The following FBLN1 variants were observed in gnomAD, a reference collection of about 807,000 sequenced individuals.
FBLN1 encodes fibulin-1.
In FBLN1, 34 loss-of-function variants were observed where a neutral mutation model predicts 89.7. The ratio of observed to expected loss-of-function variants is 0.38; its 90% CI spans 0.29 to 0.50. The LOEUF is 0.50. Ranked by LOEUF, FBLN1 falls within the 20% of genes least tolerant of loss-of-function variation. FBLN1 has a pLI of 0.92. For missense variants in FBLN1, 777 were observed against 988.1 expected, an observed-to-expected ratio of 0.79 and a Z score of 2.86; for synonymous variants, 393 against 391.3, an observed-to-expected ratio of 1.00 and a Z score of -0.05.
At chr22:45,522,747 C>T (rs1038024615) in intron 2 of FBLN1, among the ~76,000 whole-genome samples, 3 of 152,160 alleles carry the variant, frequency 2.0e-5, no homozygotes, top group African/African-American at 7.2e-5. Context: ...TAGATTAAAC[C>T]CACATGTCCT....
At chr22:45,560,124 A>C (rs2088834464) in intron 14 of FBLN1, among the ~76,000 whole-genome samples, 1 of 152,248 alleles carries the variant, frequency 6.6e-6, no homozygotes, top group Non-Finnish European at 1.5e-5. Flanking sequence ...GAGACAGACT[A>C]TTCTGATTGC....
intron 2 of FBLN1, among the ~76,000 whole-genome samples, chr22:45,522,926 C>T (rs557931513): frequency 6.6e-5 from 10 of 152,212 alleles, no homozygotes; most frequent in Admixed American, 4.6e-4. Flanking sequence ...AATCGGTGAA[C>T]GAAATATGCA....
chr22:45,594,321 A>G (rs1053432208), intron 16 of FBLN1, among the ~76,000 whole-genome samples: 1 of 152,164 alleles, frequency 6.6e-6, no homozygotes, highest in African/African-American at 2.4e-5. Flanking sequence ...TCTGAGACTG[A>G]CGAAGTGAGG....
At chr22:45,595,923 G>A (rs1370288721) in intron 16 of FBLN1, among the ~76,000 whole-genome samples, 4 of 152,252 alleles carry the variant, frequency 2.6e-5, no homozygotes, top group African/African-American at 9.6e-5. Flanking sequence ...AGGCTAGAGT[G>A]CAATGGCGCG....
At position 45,574,815 on chromosome 22, in the gene FBLN1, T is replaced by C. The variant is rs2088981298; in HGVS notation, c.1840+162T>C. Among the ~76,000 whole-genome samples the C allele has an allele frequency of 7.0e-6, 1 of 141,974 alleles. No individual in the cohort carries two copies. The highest frequency in any genetic ancestry group is 2.7e-5 in the African/African-American group (1 of 37,152). 93.1% of individuals were successfully genotyped at this position (141,974 alleles called of 152,430 possible). ...TTTTTTTTTTGAGACGGAGTCTCGC[T>C]CTGTCGCCCGGGCTGGAGTGCAGTG... On this transcript the variant is annotated intron_variant, in intron 15 of 16. Coordinates refer to ENST00000327858, the MANE Select transcript of FBLN1 (RefSeq NM_006486.3). This position sits in a 1 kb window ranked among gnomAD's most constrained non-coding sequence, Gnocchi z 4.1.
chr22:45,569,269 C>T (rs34144713), intron 14 of FBLN1, among the ~76,000 whole-genome samples: 13,506 of 152,254 alleles, frequency 0.089, 624 homozygotes, highest in South Asian at 0.15. Context: ...CAAATGCAGT[C>T]ACATTCAACG....
At chr22:45,595,156 G>A (rs1030927880) in intron 16 of FBLN1, among the ~76,000 whole-genome samples, 1 of 152,136 alleles carries the variant, frequency 6.6e-6, no homozygotes, top group Admixed American at 6.6e-5. Context: ...CCAGGAAAAT[G>A]TGGCTAGGCT....
chr22:45,569,663 GAAGAAGAAGAAGAA>G (rs2088934432), intron 14 of FBLN1, among the ~76,000 whole-genome samples: 1 of 151,436 alleles, frequency 6.6e-6, no homozygotes, highest in Non-Finnish European at 1.5e-5. Flanking sequence ...AGAAGAAGAA[GAAGAAGAAGAAGAA>G]GAAGAGATTA....
At chr22:45,517,466 G>A (rs971638911) in intron 1 of FBLN1, 1 of 451,142 alleles carries the variant, frequency 2.2e-6, no homozygotes, top group Non-Finnish European at 4.6e-6. Flanking sequence ...CTGTAGCCTG[G>A]GCTGGGGCAT....
intron 10 of FBLN1, 38 bp downstream of exon 10, chr22:45,542,321 C>G (rs767390273): frequency 1.2e-6 from 2 of 1,612,274 alleles, no homozygotes; most frequent in South Asian, 2.2e-5. Flanking sequence ...GGGAACCCAG[C>G]CACGTGGCAC....
In FBLN1 at chr22:45,542,245, C is replaced by T. The variant is rs150827651; in HGVS notation, c.1157C>T (p.Thr386Met). The change falls in exon 10 of 17, where the codon ACG becomes ATG. Residue 386 changes from threonine to methionine, a missense_variant. Coordinates refer to ENST00000327858, the MANE Select transcript of FBLN1 (RefSeq NM_006486.3). ...GGCAGTTTCCGCTGCGAATGCAAGACGGGTTACTATTTTGACGGCATCAGC... is the reference window on the plus strand; with the variant it reads ...GGCAGTTTCCGCTGCGAATGCAAGATGGGTTACTATTTTGACGGCATCAGC... ...SPGSFRCECK[T>M]GYYFDGISRM... is the part of the protein sequence containing the mutation. 1.8e-4 allele frequency: 286 copies of T among 1,614,114 alleles called. 1 individual carries two copies. The Middle Eastern group carries it at 1.8e-3, about 10-fold the overall frequency.
chr22:45,563,325 G>A lies in FBLN1; in HGVS notation c.1698-11186G>A, dbSNP rs73442979. The A allele has an allele frequency of 1.2e-3, 1,875 of 1,610,440 alleles. 24 individuals are homozygous for A. In the African/African-American group the frequency reaches 0.021, roughly 18 times the overall value. On this transcript the variant is annotated intron_variant, in intron 14 of 16. Transcript: ENST00000327858. This position sits in a 1 kb window ranked among gnomAD's most constrained non-coding sequence, Gnocchi z 5.7. ...TTGCTTTCCTAACCCTGCCCTCCGG[G>A]GCGTTAATAAAGTCTTAGCAAGCGT...
At position 45,536,671 on chromosome 22, in the gene FBLN1, A is replaced by G. The variant is rs1000911999; in HGVS notation, c.922+1334A>G. ...TCCCAGCTGCTTAGGAGGCTGAGGC[A>G]GCAGAATCGCTTGAGCCTGGGAGGC... is the stretch of plus-strand genomic sequence containing the variant. On this transcript the variant is annotated intron_variant, in intron 8 of 16. Transcript: ENST00000327858. The surrounding 1 kb of genome is among the most constrained non-coding windows in gnomAD (Gnocchi z 5.1). Among the ~76,000 whole-genome samples the G allele has an allele frequency of 2.6e-5, 4 of 152,138 alleles. No homozygotes were observed. The highest frequency in any genetic ancestry group is 9.7e-5 in the African/African-American group (4 of 41,434).
chr22:45,567,690 C>T (rs1410166869), intron 14 of FBLN1, among the ~76,000 whole-genome samples: 2 of 151,878 alleles, frequency 1.3e-5, no homozygotes, highest in Non-Finnish European at 1.5e-5. Context: ...TCTCTAGATC[C>T]CAACCAAAAA....
In FBLN1 at chr22:45,563,137, G is replaced by T. The variant is rs372967287; in HGVS notation, c.1698-11374G>T. The T allele has an allele frequency of 1.5e-5, 25 of 1,613,328 alleles. No homozygotes were observed. Among genetic ancestry groups the T allele is most frequent in the South Asian group, 4.4e-5 (4 of 91,080 alleles). ...GGAAGGTGAGCCCCCACAGTGGGGTGGTGGCCCTCACCAAGCCTGTCCCCG... is the reference window on the plus strand; with the variant it reads ...GGAAGGTGAGCCCCCACAGTGGGGTTGTGGCCCTCACCAAGCCTGTCCCCG... On this transcript the variant is annotated intron_variant, in intron 14 of 16. Transcript: ENST00000327858. This position sits in a 1 kb window ranked among gnomAD's most constrained non-coding sequence, Gnocchi z 5.7.
At position 45,563,343 on chromosome 22, in the gene FBLN1, G is replaced by C. The variant is rs1325283719; in HGVS notation, c.1698-11168G>C. 6.2e-7 allele frequency: 1 copy of C among 1,602,996 alleles called. No individual in the cohort carries two copies. Among genetic ancestry groups the C allele is most frequent in the Non-Finnish European group, 8.5e-7 (1 of 1,177,706 alleles). ...CCTCCGGGGCGTTAATAAAGTCTTA[G>C]CAAGCGTCCCACACAGTGAGCCTCG... is the stretch of plus-strand genomic sequence containing the variant. On this transcript the variant is annotated intron_variant, in intron 14 of 16. Coordinates refer to ENST00000327858, the MANE Select transcript of FBLN1 (RefSeq NM_006486.3). This position sits in a 1 kb window ranked among gnomAD's most constrained non-coding sequence, Gnocchi z 5.7.
chr22:45,544,074 G>C (rs533319124), intron 11 of FBLN1, among the ~76,000 whole-genome samples: 54 of 151,350 alleles, frequency 3.6e-4, no homozygotes, highest in African/African-American at 1.1e-3. Context: ...GGGTCACTGT[G>C]CACCTGCCTC....
chr22:45,568,681 T>TCAGCCCCTG lies in FBLN1; in HGVS notation c.1698-5830_1698-5829insCAGCCCCTG, dbSNP rs1214071284. ...TCCTTCTGTAGGGGAATGCCTCTTC[T>TCAGCCCCTG]GTAGGGGAATGCTCCTTCTGTAGGG... On this transcript the variant is annotated intron_variant, in intron 14 of 16. Coordinates refer to ENST00000327858, the MANE Select transcript of FBLN1 (RefSeq NM_006486.3). 8.3e-5 allele frequency among the ~76,000 whole-genome samples: 7 copies of TCAGCCCCTG among 84,758 alleles called. 1 individual carries two copies. The highest frequency in any genetic ancestry group is 3.9e-4 in the South Asian group (1 of 2,570). The allele number at this position is 84,758 out of a possible 152,430, so 55.6% of individuals were successfully genotyped here.
Position 45,524,649 on chromosome 22 carries a change from C to T in FBLN1, c.186-894C>T, listed in dbSNP as rs78895067. 5.4e-3 allele frequency among the ~76,000 whole-genome samples: 830 copies of T among 152,300 alleles called. 7 individuals carry two copies. Among genetic ancestry groups the T allele is most frequent in the African/African-American group, 0.019 (795 of 41,554 alleles). ...AAGGTTGGGCCCAGAGTCAGCCCCC[C>T]GCCGCTTTTTGGTTTTCAAATCAGC... is the stretch of plus-strand genomic sequence containing the variant. On this transcript the variant is annotated intron_variant, in intron 2 of 16. Coordinates refer to ENST00000327858, the MANE Select transcript of FBLN1 (RefSeq NM_006486.3).
Sources: gnomAD v4.1 joint callset for allele counts (sites outside exome capture counted in the v4.1 genomes callset) on GRCh38, gnomAD v4.1.1 for gene constraint, Gnocchi (gnomAD v3.1) non-coding constraint, MANE v1.5 for transcripts, NCBI Gene and HGNC (gene_info 2026-07-23, HGNC 2026-07-21) for gene names.